The following CPS1 variants were observed in gnomAD, a reference collection of about 807,000 sequenced individuals.
The protein encoded by CPS1 is carbamoyl-phosphate synthase [ammonia], mitochondrial.
A neutral mutation model predicts 174.6 loss-of-function variants in CPS1; 109 were observed. That is an observed-to-expected ratio of 0.62 (90% CI 0.53 to 0.73). CPS1 has a LOEUF of 0.73. CPS1 is among the 30% of genes least tolerant of loss of function. The pLI, the probability that CPS1 is intolerant of heterozygous loss-of-function variation, is 0.00. For missense variants in CPS1, 1,689 were observed against 1,821.9 expected, an observed-to-expected ratio of 0.93 and a Z score of 1.33; for synonymous variants, 637 against 632.0, an observed-to-expected ratio of 1.01 and a Z score of -0.12.
rs114314134 is a variant in CPS1 at position 210,484,632 on chromosome 2, C to T, written c.3+6866C>T. Among the ~76,000 whole-genome samples, 557 of 152,262 alleles carry T rather than the reference C, an allele frequency of 3.7e-3. 1 individual carries two copies. The highest frequency in any genetic ancestry group is 0.014 in the Middle Eastern group (4 of 292). ...AACTTACCAGATCACCACATCTGGA[C>T]GATGAGATGCCAGAACCACCTATCA... On this transcript the variant is annotated intron_variant, in intron 1 of 38. Coordinates refer to the CPS1 transcript ENST00000430249.
At chr2:210,514,567 A>G (rs538396923) in intron 1 of CPS1, among the ~76,000 whole-genome samples, 1 of 151,986 alleles carries the variant, frequency 6.6e-6, no homozygotes, top group African/African-American at 2.4e-5. Flanking sequence ...TATCTGTTCC[A>G]GAAGCTTTGG....
At chr2:210,587,402 G>A (rs1376690919) in intron 6 of CPS1, among the ~76,000 whole-genome samples, 2 of 151,960 alleles carry the variant, frequency 1.3e-5, no homozygotes, top group African/African-American at 4.8e-5. Flanking sequence ...TTGGGTTAAT[G>A]CCTGTGAAAA....
intron 10 of CPS1, 64 bp downstream of exon 10, chr2:210,592,033 G>T: frequency 1.3e-6 from 2 of 1,518,264 alleles, no homozygotes; most frequent in South Asian, 1.2e-5. Context: ...AAAAATAATT[G>T]ATACATAAGC....
At chr2:210,600,477 T>C (rs1191268122) in intron 14 of CPS1, 78 bp from the exon 15 acceptor site, 2 of 1,361,970 alleles carry the variant, frequency 1.5e-6, no homozygotes, top group Non-Finnish European at 2.1e-6. Flanking sequence ...ATTAAAAAAG[T>C]AGTTGTATTC....
chr2:210,637,682 T>C lies in CPS1; in HGVS notation c.2688-20T>C. 1.2e-6 allele frequency: 2 copies of C among 1,613,722 alleles called. No individual in the cohort carries two copies. Among genetic ancestry groups the C allele is most frequent in the Non-Finnish European group, 1.7e-6 (2 of 1,179,734 alleles). On this transcript the variant is annotated intron_variant, in intron 21 of 37. Coordinates refer to ENST00000233072, the MANE Select transcript of CPS1 (RefSeq NM_001875.5). ...TGTTTTTGGTCTAAACTTGAATCTC[T>C]CTTTTCTATTAAATCCTAGTGAGTC...
intron 28 of CPS1, among the ~76,000 whole-genome samples, chr2:210,651,474 A>T (rs534541456): frequency 6.6e-6 from 1 of 152,242 alleles, no homozygotes; most frequent in Non-Finnish European, 1.5e-5. Context: ...TCACTAATGG[A>T]GTGAGACACC....
At chr2:210,677,782 AC>A (rs1293982193) in intron 37 of CPS1, 104 bp from the exon 38 acceptor site, 2 of 911,774 alleles carry the variant, frequency 2.2e-6, no homozygotes, top group East Asian at 4.8e-5. Context: ...TTTATCCCAT[AC>A]CCCTTTGAAA....
chr2:210,556,523 A>G, upstream of CPS1: 1 of 1,439,966 alleles, frequency 6.9e-7, no homozygotes, highest in Non-Finnish European at 9.3e-7. Flanking sequence ...ATCTCTGGAC[A>G]TTACCTCAGG....
intron 20 of CPS1, among the ~76,000 whole-genome samples, chr2:210,615,577 A>G (rs1699278695): frequency 6.6e-6 from 1 of 152,012 alleles, no homozygotes; most frequent in South Asian, 2.1e-4. Context: ...CAGATTTTTC[A>G]CAGGGTATAT....
chr2:210,542,591 C>T (rs752351775), intron 1 of CPS1, among the ~76,000 whole-genome samples: 2 of 151,960 alleles, frequency 1.3e-5, no homozygotes, highest in Non-Finnish European at 2.9e-5. Flanking sequence ...CTTTAGATGC[C>T]GTGTTGTCTC....
intron 5 of CPS1, among the ~76,000 whole-genome samples, chr2:210,580,660 G>C (rs1046482855): frequency 2.0e-5 from 3 of 151,878 alleles, no homozygotes; most frequent in African/African-American, 7.3e-5. Context: ...TCAGGAGTTC[G>C]AGACCAGCCT....
chr2:210,534,611 A>G (rs1696200124), intron 1 of CPS1, among the ~76,000 whole-genome samples: 1 of 152,212 alleles, frequency 6.6e-6, no homozygotes, highest in African/African-American at 2.4e-5. Context: ...GAAATATATA[A>G]TTGATGAGAC....
At chr2:210,600,821 AT>A in intron 15 of CPS1, 109 bp downstream of exon 15, 1 of 1,219,174 alleles carries the variant, frequency 8.2e-7, no homozygotes, top group East Asian at 2.4e-5. Context: ...ACTTGCATGC[AT>A]TTTCTTCTAG....
At chr2:210,603,481 C>T (rs1160623534) in intron 16 of CPS1, among the ~76,000 whole-genome samples, 1 of 151,820 alleles carries the variant, frequency 6.6e-6, no homozygotes, top group African/African-American at 2.4e-5. Flanking sequence ...ACATATGAAT[C>T]ACATATTTAG....
At chr2:210,657,140 CT>C (rs1290032503) in intron 30 of CPS1, among the ~76,000 whole-genome samples, 1 of 152,102 alleles carries the variant, frequency 6.6e-6, no homozygotes, top group Admixed American at 6.6e-5. Flanking sequence ...CACTTGAGAA[CT>C]TTCTGGAATC....
intron 28 of CPS1, among the ~76,000 whole-genome samples, chr2:210,651,257 G>A (rs1283054982): frequency 2.6e-5 from 4 of 152,124 alleles, no homozygotes; most frequent in Non-Finnish European, 5.9e-5. Flanking sequence ...GGAATAAAGT[G>A]CGTGGACTGT....
At chr2:210,572,331 T>G (rs1315076455) in intron 1 of CPS1, among the ~76,000 whole-genome samples, 1 of 152,036 alleles carries the variant, frequency 6.6e-6, no homozygotes, top group East Asian at 1.9e-4. Context: ...TATGTTTTTC[T>G]TTATACTTTA....
At chr2:210,644,223 G>A (rs1215899390) in intron 25 of CPS1, among the ~76,000 whole-genome samples, 1 of 151,836 alleles carries the variant, frequency 6.6e-6, no homozygotes, top group Non-Finnish European at 1.5e-5. Flanking sequence ...AAACTAATTG[G>A]TATTTAAAAT....
At position 210,581,682 on chromosome 2, in the gene CPS1, T is replaced by G. The variant is rs562565331; in HGVS notation, c.529-935T>G. On this transcript the variant is annotated intron_variant, in intron 5 of 37. Transcript: ENST00000233072. ...GGTTTTTAGGTAGTGTTCCCAGACTTAGAGGCAGCACTCTGAATTTAATAA... is the reference window on the plus strand; with the variant it reads ...GGTTTTTAGGTAGTGTTCCCAGACTGAGAGGCAGCACTCTGAATTTAATAA... Among the ~76,000 whole-genome samples the G allele has an allele frequency of 9.2e-5, 14 of 152,250 alleles. No homozygotes were observed. The South Asian group carries it at 2.9e-3, about 32-fold the overall frequency.
Sources: allele counts gnomAD v4.1 joint callset (sites outside exome capture counted in the v4.1 genomes callset), GRCh38; gene constraint gnomAD v4.1.1; transcripts MANE v1.5; gene names NCBI Gene and HGNC (gene_info 2026-07-23, HGNC 2026-07-21).